Variants in RPGRIP1L observed in about 807,000 individuals in gnomAD.
The protein encoded by RPGRIP1L is protein fantom.
RPGRIP1L carries 131 observed loss-of-function variants against 160.4 expected under a neutral mutation model. The observed-to-expected ratio is 0.82, with a 90% CI of 0.71 to 0.94. The LOEUF is 0.94. RPGRIP1L is among the 40% of genes least tolerant of loss of function. RPGRIP1L has a pLI of 0.00. For synonymous variants in RPGRIP1L, 510 were observed against 515.8 expected, an observed-to-expected ratio of 0.99 and a Z score of 0.15; for missense variants, 1,522 against 1,535.8, an observed-to-expected ratio of 0.99 and a Z score of 0.15.
rs1378576352 is a variant in RPGRIP1L at position 53,600,402 on chromosome 16, G to C, written c.*1674C>G. The stretch of plus-strand genomic sequence containing the variant: ...GGTCTCCAGAAGGTTCCAGAGGAAC[G>C]AGTTGTTATGAAGATTTGCAGAGTT... On this transcript the variant is annotated 3_prime_UTR_variant, in exon 27 of 27. Transcript: ENST00000647211. The C allele has an allele frequency of 6.6e-6, 1 of 152,640 alleles. No individual in the cohort carries two copies. Among genetic ancestry groups the C allele is most frequent in the Non-Finnish European group, 1.5e-5 (1 of 68,064 alleles). 9.5% of individuals were successfully genotyped at this position (152,640 alleles called of 1,614,324 possible).
rs533808582 is a variant in RPGRIP1L at position 53,624,816 on chromosome 16, G to C, written c.3295-2460C>G. Among the ~76,000 whole-genome samples, 23 of 125,526 alleles carry C rather than the reference G, an allele frequency of 1.8e-4. No homozygotes were observed. The East Asian group carries it at 5.5e-3, about 30-fold the overall frequency. The allele number at this position is 125,526 out of a possible 152,430, so 82.3% of individuals were successfully genotyped here. On this transcript the variant is annotated intron_variant, in intron 22 of 26. Transcript: ENST00000647211. ...CTGCTTTCCACGGTCTCCCTCTGTT[G>C]CCCAGGCTGGACTGTACTGCCGCGA...
Position 53,649,119 on chromosome 16 carries a change from C to G in RPGRIP1L, c.2153-4G>C, listed in dbSNP as rs201380599. On this transcript the variant is annotated splice_polypyrimidine_tract_variant and splice_region_variant and intron_variant, in intron 15 of 26. Coordinates refer to ENST00000647211, the MANE Select transcript of RPGRIP1L (RefSeq NM_015272.5). ...TTTGGGATGTCTCCTTTTGTTCCTA[C>G]AAATCAGTACATAACCCAAGGTTAA... The G allele has an allele frequency of 2.4e-3, 3,849 of 1,613,216 alleles. 8 individuals are homozygous for G. Among genetic ancestry groups the G allele is most frequent in the Non-Finnish European group, 2.9e-3 (3,479 of 1,179,324 alleles).
At chr16:53,643,523 T>C in intron 17 of RPGRIP1L, among the ~76,000 whole-genome samples, 1 of 151,990 alleles carries the variant, frequency 6.6e-6, no homozygotes. Context: ...TTTGAATGCA[T>C]CCTCCATGCC....
intron 9 of RPGRIP1L, among the ~76,000 whole-genome samples, chr16:53,666,594 A>ATG (rs1567858295): frequency 7.3e-6 from 1 of 136,274 alleles, no homozygotes; most frequent in African/African-American, 2.8e-5. Flanking sequence ...GTGTGTGTGT[A>ATG]TATATATATA....
intron 6 of RPGRIP1L, among the ~76,000 whole-genome samples, chr16:53,680,781 G>A (rs1969547521): frequency 6.6e-6 from 1 of 152,002 alleles, no homozygotes; most frequent in African/African-American, 2.4e-5. Flanking sequence ...TGGGAGTAAG[G>A]AAGGGAGAGA....
intron 6 of RPGRIP1L, among the ~76,000 whole-genome samples, chr16:53,680,917 A>G (rs1289375180): frequency 6.6e-6 from 1 of 152,218 alleles, no homozygotes; most frequent in East Asian, 1.9e-4. Context: ...AAGAAGGCTT[A>G]AGCAAGAGCA....
intron 14 of RPGRIP1L, chr16:53,653,424 G>A (rs1382032409): frequency 1.3e-6 from 1 of 767,530 alleles, no homozygotes; most frequent in Non-Finnish European, 1.6e-6. Context: ...TGATGGATAA[G>A]TTTATTATCC....
intron 9 of RPGRIP1L, among the ~76,000 whole-genome samples, chr16:53,669,219 A>C (rs1968518446): frequency 6.6e-6 from 1 of 152,180 alleles, no homozygotes; most frequent in Non-Finnish European, 1.5e-5. Flanking sequence ...ATACTTCTAA[A>C]ATGTATCATA....
intron 24 of RPGRIP1L, 54 bp from the exon 25 acceptor site, chr16:53,611,105 C>T: frequency 8.8e-7 from 1 of 1,142,196 alleles, no homozygotes; most frequent in East Asian, 2.3e-5. Flanking sequence ...GAATAGGCTA[C>T]ATTAGTACCA....
intron 23 of RPGRIP1L, 26 bp from the exon 24 acceptor site, chr16:53,619,234 C>CT: frequency 1.3e-6 from 2 of 1,596,430 alleles, no homozygotes; most frequent in Admixed American, 3.3e-5. Flanking sequence ...AAACAAAAAA[C>CT]AACAAAGAAA....
intron 16 of RPGRIP1L, among the ~76,000 whole-genome samples, chr16:53,648,626 G>GCACACACA (rs113624342): frequency 0.13 from 18,990 of 143,806 alleles, 1,613 homozygotes; most frequent in Non-Finnish European, 0.19. Context: ...GCGCGCGCGC[G>GCACACACA]CACACACACA....
intron 16 of RPGRIP1L, among the ~76,000 whole-genome samples, chr16:53,647,199 C>G (rs553073984): frequency 6.6e-6 from 1 of 152,200 alleles, no homozygotes; most frequent in African/African-American, 2.4e-5. Flanking sequence ...GAAGCAGGTG[C>G]ACTCTTTCTT....
At chr16:53,678,691 G>A (rs1335520864) in intron 6 of RPGRIP1L, among the ~76,000 whole-genome samples, 3 of 152,044 alleles carry the variant, frequency 2.0e-5, no homozygotes, top group African/African-American at 4.8e-5. Context: ...ACAAAAGCTA[G>A]GCTATGAGAT....
chr16:53,641,392 G>C lies in RPGRIP1L; in HGVS notation c.2767C>G (p.Pro923Ala), dbSNP rs572508334. ...ILKWKFAYLPPSGSITTEDLG... is the reference protein window; with the variant it reads ...ILKWKFAYLPASGSITTEDLG... Reference sequence around the variant, plus strand: ...TCTTCAGTTGTTATTGATCCACTTGGTGGAAGGTAAGCAAATTTCCATTTC... The same window carrying C: ...TCTTCAGTTGTTATTGATCCACTTGCTGGAAGGTAAGCAAATTTCCATTTC... The change falls in exon 18 of 27, where the codon CCA (proline) becomes GCA (alanine). Residue 923 changes from proline to alanine, a missense_variant. Transcript: ENST00000647211. 1.2e-6 allele frequency: 2 copies of C among 1,613,904 alleles called. No individual in the cohort carries two copies. The highest frequency in any genetic ancestry group is 1.7e-5 in the Admixed American group (1 of 59,986).
At chr16:53,625,105 G>C (rs1333242758) in intron 22 of RPGRIP1L, among the ~76,000 whole-genome samples, 1 of 152,160 alleles carries the variant, frequency 6.6e-6, no homozygotes, top group Non-Finnish European at 1.5e-5. Flanking sequence ...GCGTGATCTT[G>C]GCTCGCTACA....
At chr16:53,619,343 C>G (rs1340952698) in intron 23 of RPGRIP1L, 135 bp from the exon 24 acceptor site, 1 of 728,646 alleles carries the variant, frequency 1.4e-6, no homozygotes, top group Non-Finnish European at 2.4e-6. Flanking sequence ...GCAATGTACA[C>G]TACTGTATGT....
intron 14 of RPGRIP1L, 65 bp downstream of exon 14, chr16:53,656,407 A>G (rs534907713): frequency 3.9e-6 from 4 of 1,030,062 alleles, no homozygotes; most frequent in Non-Finnish European, 3.1e-6. Context: ...TTTGGATGAC[A>G]TTATCAACTG....
At chr16:53,615,082 T>G (rs1964278965) in intron 24 of RPGRIP1L, among the ~76,000 whole-genome samples, 1 of 152,212 alleles carries the variant, frequency 6.6e-6, no homozygotes, top group Non-Finnish European at 1.5e-5. Context: ...AAATTTCTCC[T>G]CCTATTAGTC....
chr16:53,692,498 T>C, intron 3 of RPGRIP1L, 134 bp from the exon 4 acceptor site: 1 of 804,882 alleles, frequency 1.2e-6, no homozygotes, highest in African/African-American at 1.7e-5. Flanking sequence ...GATGTAACTA[T>C]TACTGCCTGT....
Sources: gnomAD v4.1 joint callset for allele counts (sites outside exome capture counted in the v4.1 genomes callset) on GRCh38, gnomAD v4.1.1 for gene constraint, MANE v1.5 for transcripts, NCBI Gene and HGNC (gene_info 2026-07-23, HGNC 2026-07-21) for gene names.